Variants in MAGI1 observed in about 807,000 individuals in gnomAD.
MAGI1 encodes the protein membrane-associated guanylate kinase, WW and PDZ domain-containing protein 1.
In MAGI1, 58 loss-of-function variants were observed where a neutral mutation model predicts 139.9. The ratio of observed to expected loss-of-function variants is 0.41; its 90% CI spans 0.34 to 0.52. The LOEUF (loss-of-function observed/expected upper bound fraction) is 0.52, where lower values mean the gene tolerates loss of function less well. Ranked by LOEUF, MAGI1 falls within the 20% of genes least tolerant of loss-of-function variation. The pLI, the probability that MAGI1 is intolerant of heterozygous loss-of-function variation, is 0.12. For missense variants in MAGI1, 1,874 were observed against 1,901.6 expected, an observed-to-expected ratio of 0.99 and a Z score of 0.27; for synonymous variants, 812 against 737.9, an observed-to-expected ratio of 1.10 and a Z score of -1.63.
At chr3:65,710,028 G>C (rs1471610800) in intron 1 of MAGI1, among the ~76,000 whole-genome samples, 1 of 152,128 alleles carries the variant, frequency 6.6e-6, no homozygotes, top group East Asian at 1.9e-4. Context: ...GCCACATAAA[G>C]CCCAAGCTTT....
At chr3:65,988,898 G>C (rs1013062781) in intron 1 of MAGI1, among the ~76,000 whole-genome samples, 5 of 151,946 alleles carry the variant, frequency 3.3e-5, no homozygotes, top group African/African-American at 1.2e-4. Flanking sequence ...ACAGTTAACA[G>C]ACCATTTTAA....
rs1268410080 is a variant in MAGI1 at position 65,763,489 on chromosome 3, A to G, written c.314-141401T>C. Among the ~76,000 whole-genome samples, 5 of 152,166 alleles carry G rather than the reference A, an allele frequency of 3.3e-5. No individual in the cohort carries two copies. In the South Asian group the frequency reaches 6.2e-4, roughly 19 times the overall value. ...AGTTTGCCTATCCTACAATAACAAC[A>G]TTTACATAGCACACATCACTTATCA... On this transcript the variant is annotated intron_variant, in intron 1 of 22. Coordinates refer to ENST00000402939, the MANE Select transcript of MAGI1 (RefSeq NM_001033057.2).
intron 2 of MAGI1, among the ~76,000 whole-genome samples, chr3:65,588,931 G>A (rs1003629245): frequency 4.6e-5 from 7 of 152,088 alleles, no homozygotes; most frequent in East Asian, 1.9e-4. Flanking sequence ...CACAACAGAC[G>A]CTAGGAACAC....
intron 1 of MAGI1, among the ~76,000 whole-genome samples, chr3:65,817,101 A>G (rs2041653516): frequency 6.6e-6 from 1 of 152,166 alleles, no homozygotes; most frequent in Non-Finnish European, 1.5e-5. Context: ...TTTGTTTCCT[A>G]CTTAGGTGCA....
chr3:65,491,532 G>C (rs925697431), intron 3 of MAGI1, among the ~76,000 whole-genome samples: 1 of 151,788 alleles, frequency 6.6e-6, no homozygotes, highest in African/African-American at 2.4e-5. Flanking sequence ...TATATTTGAC[G>C]ACTGAAGCCC....
intron 1 of MAGI1, among the ~76,000 whole-genome samples, chr3:65,658,796 T>C (rs1251198347): frequency 6.6e-6 from 1 of 152,182 alleles, no homozygotes; most frequent in East Asian, 1.9e-4. Flanking sequence ...TTCTGTCCAA[T>C]GTCAAAACGA....
intron 1 of MAGI1, chr3:65,688,146 G>GTCCT: frequency 2.6e-6 from 2 of 755,350 alleles, no homozygotes; most frequent in Non-Finnish European, 2.4e-6. Context: ...GTTCCTGCCA[G>GTCCT]GGTCCATGGG....
At chr3:65,775,614 A>G (rs1282626222) in intron 1 of MAGI1, among the ~76,000 whole-genome samples, 1 of 150,572 alleles carries the variant, frequency 6.6e-6, no homozygotes, top group Non-Finnish European at 1.5e-5. Context: ...ATTAACTATG[A>G]TTATGAAAGG....
chr3:65,726,882 C>A (rs2033674035), intron 1 of MAGI1, among the ~76,000 whole-genome samples: 1 of 144,118 alleles, frequency 6.9e-6, no homozygotes. Flanking sequence ...CAGAATGGAA[C>A]AGATAAAGGG....
At chr3:65,360,973 G>T in intron 22 of MAGI1, 1 of 1,432,800 alleles carries the variant, frequency 7.0e-7, no homozygotes, top group East Asian at 2.5e-5. Context: ...CAGAAAGGGG[G>T]CTATAAAGAT....
intron 1 of MAGI1, among the ~76,000 whole-genome samples, chr3:65,699,321 A>T (rs2089441456): frequency 6.9e-6 from 1 of 144,718 alleles, no homozygotes; most frequent in Admixed American, 6.8e-5. Flanking sequence ...CAGTGTGGCG[A>T]TTCCTCAGGG....
At position 65,972,818 on chromosome 3, in the gene MAGI1, T is replaced by G. The variant is rs181265866; in HGVS notation, c.313+65178A>C. Among the ~76,000 whole-genome samples the G allele has an allele frequency of 9.2e-5, 14 of 152,304 alleles. No homozygotes were observed. In the East Asian group the frequency reaches 2.1e-3, roughly 23 times the overall value. On this transcript the variant is annotated intron_variant, in intron 1 of 22. Coordinates refer to ENST00000402939, the MANE Select transcript of MAGI1 (RefSeq NM_001033057.2). ...AAAACATGTTTGTTTTATTCTTATT[T>G]TATATATGGAAAATAAGCTCAAATG...
intron 3 of MAGI1, among the ~76,000 whole-genome samples, chr3:65,480,627 C>A (rs1951220583): frequency 1.3e-5 from 2 of 149,686 alleles, no homozygotes; most frequent in South Asian, 4.2e-4. Flanking sequence ...GCTGCATCAC[C>A]CAGGCTGGAG....
At chr3:65,519,624 T>C (rs1371194168) in intron 2 of MAGI1, among the ~76,000 whole-genome samples, 2 of 152,102 alleles carry the variant, frequency 1.3e-5, no homozygotes, top group Admixed American at 6.6e-5. Flanking sequence ...GACCTCGTGA[T>C]CCACCCACTT....
At chr3:65,949,380 G>A (rs2063689230) in intron 1 of MAGI1, among the ~76,000 whole-genome samples, 1 of 152,190 alleles carries the variant, frequency 6.6e-6, no homozygotes, top group Admixed American at 6.5e-5. Flanking sequence ...CCTGTTAGGT[G>A]CAGACTTAAG....
chr3:66,022,973 G>A (rs2068041314), intron 1 of MAGI1, among the ~76,000 whole-genome samples: 1 of 152,184 alleles, frequency 6.6e-6, no homozygotes, highest in South Asian at 2.1e-4. Flanking sequence ...GAAACACCAT[G>A]AAATATAAGC....
At chr3:65,424,316 T>C (rs1946850788) in intron 12 of MAGI1, among the ~76,000 whole-genome samples, 1 of 151,726 alleles carries the variant, frequency 6.6e-6, no homozygotes, top group Non-Finnish European at 1.5e-5. Flanking sequence ...AATCTTCCAT[T>C]GTGACTGGTG....
chr3:65,439,400 G>A (rs1040286117), intron 9 of MAGI1, among the ~76,000 whole-genome samples: 4 of 152,168 alleles, frequency 2.6e-5, no homozygotes, highest in East Asian at 1.9e-4. Context: ...CTATACTCCC[G>A]AATTGCCCAT....
chr3:65,521,247 T>C (rs1271713812), intron 2 of MAGI1, among the ~76,000 whole-genome samples: 1 of 151,368 alleles, frequency 6.6e-6, no homozygotes, highest in African/African-American at 2.4e-5. Flanking sequence ...AGAACTGATT[T>C]TTAACAATAA....
Sources: gnomAD v4.1 joint callset for allele counts (sites outside exome capture counted in the v4.1 genomes callset) on GRCh38, gnomAD v4.1.1 for gene constraint, MANE v1.5 for transcripts, NCBI Gene and HGNC (gene_info 2026-07-23, HGNC 2026-07-21) for gene names.